SLTM: variants seen among roughly 807,000 people sequenced by gnomAD.
The protein encoded by SLTM is SAFB-like transcription modulator.
In SLTM, 43 loss-of-function variants were observed where a neutral mutation model predicts 134.6. That is an observed-to-expected ratio of 0.32 (90% confidence interval 0.25 to 0.41). The LOEUF is 0.41. Ranked by LOEUF, SLTM falls within the 10% of genes least tolerant of loss-of-function variation. The pLI, the probability that SLTM is intolerant of heterozygous loss-of-function variation, is 1.00. For missense variants in SLTM, 1,055 were observed against 1,288.8 expected, an observed-to-expected ratio of 0.82 and a Z score of 2.78; for synonymous variants, 424 against 432.3, an observed-to-expected ratio of 0.98 and a Z score of 0.24.
rs2140908050 is a variant in SLTM, at chr15:58,879,915, C to A, written c.*84G>T. 6.7e-7 allele frequency: 1 copy of A among 1,495,612 alleles called. No homozygotes were observed. The highest frequency in any genetic ancestry group is 1.4e-5 in the South Asian group (1 of 73,954). 92.6% of individuals were successfully genotyped at this position (1,495,612 alleles called of 1,614,324 possible). ...AGTCTGACAGAACTCTCAAGCAAGT[C>A]AGAGGTCCTCTTCATAAGTAGTCAA... On this transcript the variant is annotated 3_prime_UTR_variant, in exon 21 of 21. Coordinates refer to ENST00000380516, the MANE Select transcript of SLTM (RefSeq NM_024755.4).
chr15:58,894,030 A>C, intron 11 of SLTM, 43 bp from the exon 12 acceptor site: 1 of 1,602,566 alleles, frequency 6.2e-7, no homozygotes, highest in South Asian at 1.1e-5. Flanking sequence ...TGAGTACTTC[A>C]TAATGTACCA....
rs746187306 is a variant in SLTM, at chr15:58,889,533, G to A, written c.2101C>T (p.Arg701Trp). ...IEQERRKEAE[R>W]IAREREELRR... ...AGTTCCTCTCTTTCTCGAGCAATCC[G>A]TTCAGCTTCCTTACGACGTTCCTTC... Residue 701 changes from arginine (R) to tryptophan (W), a missense_variant, in exon 16 of 21, where the codon CGG (arginine) becomes TGG (tryptophan). Arg to Trp is a moderately radical substitution (Grantham distance 101, BLOSUM62 -3). Around this residue, in one of 3 missense-constraint regions of SLTM, gnomAD observed 776 missense variants for 962.2 expected, o/e 0.81. Coordinates refer to ENST00000380516, the MANE Select transcript of SLTM (RefSeq NM_024755.4). 1.2e-5 allele frequency: 20 copies of A among 1,613,834 alleles called. No individual in the cohort carries two copies. The highest frequency in any genetic ancestry group is 1.7e-5 in the Admixed American group (1 of 59,994).
At chr15:58,901,562 A>G (rs1219478161) in intron 5 of SLTM, among the ~76,000 whole-genome samples, 1 of 152,230 alleles carries the variant, frequency 6.6e-6, no homozygotes, top group Non-Finnish European at 1.5e-5. Flanking sequence ...AAACTAGTTT[A>G]TATAATCCAA....
intron 5 of SLTM, among the ~76,000 whole-genome samples, chr15:58,910,878 G>A (rs2036223610): frequency 6.6e-6 from 1 of 151,342 alleles, no homozygotes; most frequent in Non-Finnish European, 1.5e-5. Context: ...CTGAGCAGCT[G>A]GAACTACAGG....
At chr15:58,911,335 A>G (rs983721671) in intron 5 of SLTM, among the ~76,000 whole-genome samples, 2 of 152,322 alleles carry the variant, frequency 1.3e-5, no homozygotes, top group Admixed American at 1.3e-4. Context: ...GTACTCTTCT[A>G]GGAAATACTA....
At chr15:58,883,588 T>G in intron 20 of SLTM, 38 bp downstream of exon 20, 1 of 1,611,444 alleles carries the variant, frequency 6.2e-7, no homozygotes. Flanking sequence ...GATAAAGTGT[T>G]GGTTGTGTGC....
intron 19 of SLTM, among the ~76,000 whole-genome samples, chr15:58,885,062 G>A (rs1435093927): frequency 1.3e-5 from 2 of 152,202 alleles, no homozygotes; most frequent in African/African-American, 4.8e-5. Flanking sequence ...ACAAGGCACG[G>A]CAGGGCCTAT....
chr15:58,880,739 T>A (rs569464729), intron 20 of SLTM, among the ~76,000 whole-genome samples: 80 of 152,118 alleles, frequency 5.3e-4, no homozygotes, highest in Middle Eastern at 3.4e-3. Flanking sequence ...TAATTTTTTT[T>A]ATTTTTCTTA....
intron 20 of SLTM, among the ~76,000 whole-genome samples, chr15:58,882,182 A>AAAAAAAAAAAAAAG (rs1467170419): frequency 2.0e-5 from 1 of 50,270 alleles, no homozygotes; most frequent in Non-Finnish European, 5.5e-5. Flanking sequence ...ACTCTGTCTC[A>AAAAAAAAAAAAAAG]AAAAAAAAAA....
chr15:58,907,737 C>T (rs1232070701), intron 5 of SLTM, among the ~76,000 whole-genome samples: 3 of 152,138 alleles, frequency 2.0e-5, no homozygotes, highest in Admixed American at 6.5e-5. Flanking sequence ...CTACAAATGA[C>T]TACTAATTGC....
In SLTM at chr15:58,899,287, A is replaced by C. The variant is rs2035310228; in HGVS notation, c.1058+182T>G. 1 of 585,384 alleles carries C rather than the reference A, an allele frequency of 1.7e-6. No individual in the cohort carries two copies. Among genetic ancestry groups the C allele is most frequent in the South Asian group, 2.4e-5 (1 of 41,920 alleles). 36.3% of individuals were successfully genotyped at this position (585,384 alleles called of 1,614,324 possible). A position where few individuals can be genotyped will look rare whatever the true frequency, so the allele number is the denominator to read the frequency against. ...TTCGACAATGCAATCAGTAGAACACACTGCATTATTATGAAGATCTTGAAA... is the reference window on the plus strand; with the variant it reads ...TTCGACAATGCAATCAGTAGAACACCCTGCATTATTATGAAGATCTTGAAA... On this transcript the variant is annotated intron_variant, in intron 7 of 20. Coordinates refer to ENST00000380516, the MANE Select transcript of SLTM (RefSeq NM_024755.4). This position sits in a 1 kb window ranked among gnomAD's most constrained non-coding sequence, Gnocchi z 5.0.
At chr15:58,905,044 A>G (rs2035776748) in intron 5 of SLTM, among the ~76,000 whole-genome samples, 1 of 152,126 alleles carries the variant, frequency 6.6e-6, no homozygotes, top group African/African-American at 2.4e-5. Flanking sequence ...GTGTTTCACC[A>G]TGTTGGCCAG....
At position 58,933,335 on chromosome 15, in the gene SLTM, G is replaced by A. The variant is rs377419769; in HGVS notation, c.162+69C>T. The A allele has an allele frequency of 1.6e-4, 234 of 1,472,874 alleles. 1 individual carries two copies. In the African/African-American group the frequency reaches 3.1e-3, roughly 19 times the overall value. 91.2% of individuals were successfully genotyped at this position (1,472,874 alleles called of 1,614,324 possible). On this transcript the variant is annotated intron_variant, in intron 1 of 20. Coordinates refer to ENST00000380516, the MANE Select transcript of SLTM (RefSeq NM_024755.4). ...GCTGCGGGCAGCCGGAGGCTGCGGCGGAAGCGGGGCGCCGAGGCGCGGCCT... is the reference window on the plus strand; with the variant it reads ...GCTGCGGGCAGCCGGAGGCTGCGGCAGAAGCGGGGCGCCGAGGCGCGGCCT...
Position 58,933,590 on chromosome 15 carries a change from G to A in SLTM, c.-25C>T, listed in dbSNP as rs747338286. ...TCTTAGAAGAGCAGCGCGCTGCCGA[G>A]GCAGCGAGTGGGCTGCAGGGCGGCG... On this transcript the variant is annotated 5_prime_UTR_variant, in exon 1 of 21. Coordinates refer to ENST00000380516, the MANE Select transcript of SLTM (RefSeq NM_024755.4). 2 of 1,554,034 alleles carry A rather than the reference G, an allele frequency of 1.3e-6. No homozygotes were observed. Among genetic ancestry groups the A allele is most frequent in the Non-Finnish European group, 1.7e-6 (2 of 1,152,198 alleles).
At chr15:58,901,745 A>C (rs1034273853) in intron 5 of SLTM, among the ~76,000 whole-genome samples, 1 of 152,202 alleles carries the variant, frequency 6.6e-6, no homozygotes. Flanking sequence ...AACCAAACAA[A>C]CAAACAATAC....
chr15:58,914,064 G>A (rs1379947623), intron 3 of SLTM, among the ~76,000 whole-genome samples: 2 of 152,164 alleles, frequency 1.3e-5, no homozygotes, highest in African/African-American at 4.8e-5. Flanking sequence ...GACTTCGGAA[G>A]TCTTATACAT....
chr15:58,913,762 T>A, intron 3 of SLTM, 66 bp from the exon 4 acceptor site: 1 of 1,285,512 alleles, frequency 7.8e-7, no homozygotes, highest in Non-Finnish European at 1.1e-6. Context: ...ACCAAACGTT[T>A]TTGGTAATTT....
chr15:58,911,676 T>C (rs1402550752), intron 5 of SLTM, among the ~76,000 whole-genome samples: 7 of 152,232 alleles, frequency 4.6e-5, no homozygotes, highest in African/African-American at 1.7e-4. Flanking sequence ...ATAATTTTTA[T>C]GTAGAAACTG....
chr15:58,890,994 G>C (rs1265413619), intron 14 of SLTM, among the ~76,000 whole-genome samples: 1 of 152,174 alleles, frequency 6.6e-6, no homozygotes, highest in Non-Finnish European at 1.5e-5. Flanking sequence ...TATAATAGAT[G>C]GCTCCAGGTA....
Sources: gnomAD v4.1 joint callset for allele counts (sites outside exome capture counted in the v4.1 genomes callset) on GRCh38, gnomAD v4.1.1 for gene constraint, gnomAD v4.1.1 regional missense constraint, Gnocchi (gnomAD v3.1) non-coding constraint, MANE v1.5 for transcripts, NCBI Gene and HGNC (gene_info 2026-07-23, HGNC 2026-07-21) for gene names.